The following KANK1 variants were observed in gnomAD, a reference collection of about 807,000 sequenced individuals.
KANK1 encodes the protein KN motif and ankyrin repeat domains 1.
A neutral mutation model predicts 106.2 loss-of-function variants in KANK1; 109 were observed. That is an observed-to-expected ratio of 1.03 (90% confidence interval 0.88 to 1.20). The LOEUF (loss-of-function observed/expected upper bound fraction) is 1.20. KANK1 is among the 50% of genes most tolerant of loss of function. The pLI is 0.00. For synonymous variants in KANK1, 873 were observed against 652.2 expected, an observed-to-expected ratio of 1.34 and a Z score of -5.16; for missense variants, 2,399 against 1,710.7, an observed-to-expected ratio of 1.40 and a Z score of -7.10.
At chr9:626,940 C>T (rs114400856) in intron 1 of KANK1, among the ~76,000 whole-genome samples, 1 of 152,162 alleles carries the variant, frequency 6.6e-6, no homozygotes, top group African/African-American at 2.4e-5. Context: ...TACATCGGTG[C>T]TTCTCAGTCT....
chr9:601,461 A>T (rs1241126736), intron 1 of KANK1, among the ~76,000 whole-genome samples: 1 of 151,820 alleles, frequency 6.6e-6, no homozygotes, highest in Non-Finnish European at 1.5e-5. Flanking sequence ...TTGTGGAATG[A>T]CTAGATTTGG....
chr9:537,635 CA>C (rs1426839823), intron 1 of KANK1, among the ~76,000 whole-genome samples: 2 of 151,974 alleles, frequency 1.3e-5, no homozygotes, highest in Non-Finnish European at 2.9e-5. Flanking sequence ...AGGTATATTT[CA>C]ACACCTGTGC....
At chr9:686,529 G>C (rs754926731) in intron 2 of KANK1, among the ~76,000 whole-genome samples, 1 of 152,172 alleles carries the variant, frequency 6.6e-6, no homozygotes, top group Non-Finnish European at 1.5e-5. Context: ...CACTGGTCGG[G>C]GAGGGAGGGA....
chr9:601,431 G>C (rs1002032353), intron 1 of KANK1, among the ~76,000 whole-genome samples: 1 of 151,804 alleles, frequency 6.6e-6, no homozygotes, highest in East Asian at 1.9e-4. Context: ...TTCCCTGTCA[G>C]TTATTTCTGG....
At chr9:723,341 A>G (rs1257464514) in intron 3 of KANK1, among the ~76,000 whole-genome samples, 2 of 152,128 alleles carry the variant, frequency 1.3e-5, no homozygotes, top group African/African-American at 4.8e-5. Flanking sequence ...GGGTGACACT[A>G]TCTGGAAGGG....
chr9:513,731 G>GA (rs1587392569), intron 1 of KANK1, among the ~76,000 whole-genome samples: 1 of 152,092 alleles, frequency 6.6e-6, no homozygotes, highest in African/African-American at 2.4e-5. Flanking sequence ...TTGACCTTGG[G>GA]AAAAAATAGA....
At chr9:676,277 G>A (rs1446831511) in intron 1 of KANK1, among the ~76,000 whole-genome samples, 1 of 152,090 alleles carries the variant, frequency 6.6e-6, no homozygotes, top group Non-Finnish European at 1.5e-5. Context: ...GCTCTGGTCC[G>A]AATGCCTCTA....
intron 1 of KANK1, among the ~76,000 whole-genome samples, chr9:555,367 A>T (rs965328850): frequency 2.7e-5 from 4 of 149,736 alleles, no homozygotes; most frequent in African/African-American, 7.6e-5. Context: ...CACGTGACTT[A>T]GATGTGCAAA....
intron 1 of KANK1, among the ~76,000 whole-genome samples, chr9:606,838 C>G (rs1588193013): frequency 6.6e-6 from 1 of 151,652 alleles, no homozygotes; most frequent in East Asian, 1.9e-4. Context: ...ATGCCAGGTA[C>G]TGTTCTTACT....
chr9:654,853 G>A (rs72691351), intron 1 of KANK1, among the ~76,000 whole-genome samples: 1 of 151,294 alleles, frequency 6.6e-6, no homozygotes, highest in Non-Finnish European at 1.5e-5. Context: ...GAGAGATAAA[G>A]GGAGGAAGGA....
At chr9:592,596 A>G (rs1825237300) in intron 1 of KANK1, among the ~76,000 whole-genome samples, 1 of 151,952 alleles carries the variant, frequency 6.6e-6, no homozygotes, top group Non-Finnish European at 1.5e-5. Context: ...AAATGAATCA[A>G]TATTACATCT....
intron 3 of KANK1, among the ~76,000 whole-genome samples, chr9:727,518 G>T (rs1242336052): frequency 6.6e-6 from 1 of 151,982 alleles, no homozygotes; most frequent in East Asian, 1.9e-4. Flanking sequence ...GTTTCACCAT[G>T]TTGGCCAGGC....
chr9:561,878 G>A (rs890486750), intron 1 of KANK1, among the ~76,000 whole-genome samples: 76 of 152,204 alleles, frequency 5.0e-4, no homozygotes, highest in Non-Finnish European at 7.5e-4. Context: ...TCTGTATTCA[G>A]AAAGCACTGT....
At chr9:535,766 C>G (rs544457487) in intron 1 of KANK1, among the ~76,000 whole-genome samples, 1 of 152,194 alleles carries the variant, frequency 6.6e-6, no homozygotes, top group South Asian at 2.1e-4. Flanking sequence ...GAGATATTCT[C>G]TAAGGCTATT....
In KANK1 at chr9:508,806, A is replaced by C. The variant is rs575026990; in HGVS notation, c.-84+4052A>C. Among the ~76,000 whole-genome samples, 5 of 146,416 alleles carry C rather than the reference A, an allele frequency of 3.4e-5. No individual in the cohort carries two copies. The East Asian group carries it at 9.6e-4, about 28-fold the overall frequency. ...ATTTTTAGGTTTGAGGGGCATTTAC[A>C]TAGTTTCCAGTTTCTTACATGGTAA... On this transcript the variant is annotated intron_variant, in intron 1 of 11. Coordinates refer to ENST00000382297, the MANE Select transcript of KANK1 (RefSeq NM_015158.5).
intron 2 of KANK1, chr9:684,152 C>G: frequency 9.1e-6 from 9 of 984,958 alleles, no homozygotes; most frequent in Non-Finnish European, 1.1e-5. Context: ...TAACCTGTAG[C>G]CAGCTTCGCC....
intron 1 of KANK1, among the ~76,000 whole-genome samples, chr9:600,073 C>A (rs779405210): frequency 6.6e-6 from 1 of 151,744 alleles, no homozygotes; most frequent in African/African-American, 2.4e-5. Context: ...AATTTACTAT[C>A]TTAACTGTTT....
intron 1 of KANK1, among the ~76,000 whole-genome samples, chr9:641,006 A>C (rs1480876496): frequency 6.6e-6 from 1 of 152,116 alleles, no homozygotes; most frequent in African/African-American, 2.4e-5. Flanking sequence ...ACCACTTTTA[A>C]ATGTCTGTGT....
intron 3 of KANK1, among the ~76,000 whole-genome samples, chr9:478,670 C>A (rs989538791): frequency 1.3e-5 from 2 of 152,200 alleles, no homozygotes; most frequent in African/African-American, 4.8e-5. Context: ...GAAAGGAGGG[C>A]AGACAATAGC....
Sources: allele counts gnomAD v4.1 joint callset (sites outside exome capture counted in the v4.1 genomes callset), GRCh38; gene constraint gnomAD v4.1.1; transcripts MANE v1.5; gene names NCBI Gene and HGNC (gene_info 2026-07-23, HGNC 2026-07-21).